Variants in ARHGAP18 observed in about 807,000 individuals in gnomAD.
ARHGAP18 encodes Rho GTPase activating protein 18.
Under a neutral mutation model 86.2 loss-of-function variants are expected in ARHGAP18, and 67 were observed. The ratio of observed to expected loss-of-function variants is 0.78; its 90% CI spans 0.64 to 0.95. ARHGAP18 has a LOEUF of 0.95. Among genes scored for constraint, ARHGAP18 ranks in the 40% least tolerant of loss-of-function variants. The pLI, the probability that ARHGAP18 is intolerant of heterozygous loss-of-function variation, is 0.00. For synonymous variants in ARHGAP18, 283 were observed against 280.4 expected, an observed-to-expected ratio of 1.01 and a Z score of -0.09; for missense variants, 691 against 780.4, an observed-to-expected ratio of 0.89 and a Z score of 1.37.
intron 10 of ARHGAP18, among the ~76,000 whole-genome samples, chr6:129,604,204 C>T (rs1019088766): frequency 1.9e-5 from 1 of 52,156 alleles, no homozygotes; most frequent in African/African-American, 9.7e-5. Context: ...AATAGTACTC[C>T]CCCCCCCCTT....
chr6:129,597,660 A>T (rs144364299), intron 12 of ARHGAP18, among the ~76,000 whole-genome samples: 1 of 152,186 alleles, frequency 6.6e-6, no homozygotes, highest in African/African-American at 2.4e-5. Flanking sequence ...CACCTAACAT[A>T]AAGTGGGGGC....
At chr6:129,593,541 T>A (rs1035892004) in intron 12 of ARHGAP18, among the ~76,000 whole-genome samples, 1 of 152,136 alleles carries the variant, frequency 6.6e-6, no homozygotes, top group African/African-American at 2.4e-5. Flanking sequence ...ATTAACCTGA[T>A]CCTACCCTAT....
At chr6:129,641,715 G>T in intron 2 of ARHGAP18, 101 bp downstream of exon 2, 2 of 1,089,680 alleles carry the variant, frequency 1.8e-6, no homozygotes, top group Non-Finnish European at 2.6e-6. Flanking sequence ...TTTTTTTGGT[G>T]GTCCTAGCTT....
intron 1 of ARHGAP18, among the ~76,000 whole-genome samples, chr6:129,680,005 C>A (rs1584109915): frequency 6.6e-6 from 1 of 152,314 alleles, no homozygotes; most frequent in Non-Finnish European, 1.5e-5. Context: ...TCCATCTTTA[C>A]ATGCTTCTCC....
chr6:129,609,070 GGA>G (rs533944597), intron 8 of ARHGAP18, among the ~76,000 whole-genome samples: 2 of 145,726 alleles, frequency 1.4e-5, no homozygotes, highest in Admixed American at 6.9e-5. Context: ...GGAAGGAAGA[GGA>G]GAGAGAGGGG....
Position 129,692,164 on chromosome 6 carries a change from C to A in ARHGAP18, c.113+17860G>T, listed in dbSNP as rs941967371. Among the ~76,000 whole-genome samples, 3 of 152,210 alleles carry A rather than the reference C, an allele frequency of 2.0e-5. No individual in the cohort carries two copies. The East Asian group carries it at 5.8e-4, about 29-fold the overall frequency. On this transcript the variant is annotated intron_variant, in intron 1 of 14. Transcript: ENST00000368149. The stretch of plus-strand genomic sequence containing the variant: ...GAATGACAACCTCTGGGCCTACTGG[C>A]CTAAGTCAAAGGCTGGGCAGCCTGG...
At chr6:129,643,628 T>TTAAAATA (rs1461713265) in intron 1 of ARHGAP18, among the ~76,000 whole-genome samples, 1 of 152,208 alleles carries the variant, frequency 6.6e-6, no homozygotes, top group Non-Finnish European at 1.5e-5. Flanking sequence ...GGACAATAGT[T>TTAAAATA]GAATAACTGT....
In ARHGAP18 at chr6:129,625,341, T is replaced by G. The variant is rs1283904454; in HGVS notation, c.786+4012A>C. On this transcript the variant is annotated intron_variant, in intron 5 of 14. Coordinates refer to ENST00000368149, the MANE Select transcript of ARHGAP18 (RefSeq NM_033515.3). The stretch of plus-strand genomic sequence containing the variant: ...AATATATATGATATATGATATATAT[T>G]TATATGTAATATATATTATGTATAT... 3.8e-5 allele frequency among the ~76,000 whole-genome samples: 3 copies of G among 78,232 alleles called. 1 individual carries two copies. The highest frequency in any genetic ancestry group is 2.4e-4 in the Admixed American group (1 of 4,152). The allele number at this position is 78,232 out of a possible 152,430, so 51.3% of individuals were successfully genotyped here.
intron 12 of ARHGAP18, among the ~76,000 whole-genome samples, chr6:129,591,100 G>A (rs1788503128): frequency 6.6e-6 from 1 of 152,132 alleles, no homozygotes; most frequent in Non-Finnish European, 1.5e-5. Context: ...CATTTAAATG[G>A]TGTATGAAAA....
intron 9 of ARHGAP18, among the ~76,000 whole-genome samples, chr6:129,606,786 T>C (rs564508060): frequency 1.4e-3 from 211 of 152,262 alleles, no homozygotes; most frequent in African/African-American, 4.6e-3. Context: ...AGATGACTCA[T>C]GAAACCATCT....
intron 4 of ARHGAP18, among the ~76,000 whole-genome samples, chr6:129,631,762 T>A (rs200813061): frequency 0.01 from 1,096 of 107,598 alleles, 11 homozygotes; most frequent in African/African-American, 0.025. Context: ...GCTTCTATTT[T>A]AAAAAAAAAA....
chr6:129,616,228 G>T lies in ARHGAP18; in HGVS notation c.1028C>A (p.Pro343His). The T allele has an allele frequency of 6.2e-7, 1 of 1,610,992 alleles. No homozygotes were observed. Among genetic ancestry groups the T allele is most frequent in the Non-Finnish European group, 8.5e-7 (1 of 1,178,328 alleles). ...CCTACCTACTTTTTGAAAGATCAAG[G>T]GTATTCGCATTCCTGGTACTTTCCT... The part of the protein sequence containing the change: ...DQRKVPGMRI[P>H]LIFQKLISRI... The change falls in exon 7 of 15, where the codon CCC (proline) becomes CAC (histidine). Residue 343 changes from proline to histidine, a missense_variant. By Grantham distance (77) the Pro-to-His change is moderately conservative. Coordinates refer to ENST00000368149, the MANE Select transcript of ARHGAP18 (RefSeq NM_033515.3).
intron 11 of ARHGAP18, among the ~76,000 whole-genome samples, chr6:129,599,654 C>A (rs916764150): frequency 3.9e-5 from 6 of 152,084 alleles, no homozygotes; most frequent in Non-Finnish European, 5.9e-5. Flanking sequence ...AGACTGGAGA[C>A]CCCCTGAGGT....
At chr6:129,610,828 T>C (rs1788963623) in intron 8 of ARHGAP18, among the ~76,000 whole-genome samples, 1 of 152,066 alleles carries the variant, frequency 6.6e-6, no homozygotes, top group African/African-American at 2.4e-5. Flanking sequence ...AGTGTTTCAC[T>C]ATTTTGGCCA....
intron 1 of ARHGAP18, among the ~76,000 whole-genome samples, chr6:129,662,460 T>C (rs533584092): frequency 6.6e-5 from 10 of 152,220 alleles, no homozygotes; most frequent in Non-Finnish European, 1.5e-4. Context: ...GGAGAGGTGT[T>C]TTTGTTCTTC....
chr6:129,639,043 T>G (rs557505967), intron 2 of ARHGAP18, among the ~76,000 whole-genome samples: 1 of 152,298 alleles, frequency 6.6e-6, no homozygotes, highest in East Asian at 1.9e-4. Flanking sequence ...CAACACTAAT[T>G]TATGGAAAGC....
Position 129,655,749 on chromosome 6 carries a change from G to A in ARHGAP18, c.114-13731C>T, listed in dbSNP as rs188848694. Among the ~76,000 whole-genome samples, 9 of 152,256 alleles carry A rather than the reference G, an allele frequency of 5.9e-5. No homozygotes were observed. The South Asian group carries it at 6.2e-4, about 11-fold the overall frequency. On this transcript the variant is annotated intron_variant, in intron 1 of 14. Coordinates refer to ENST00000368149, the MANE Select transcript of ARHGAP18 (RefSeq NM_033515.3). ...TTAAACTCTAAACAAACTTTCATAC[G>A]CCAACCAATCTAATAGAGAAATGCT...
At position 129,625,140 on chromosome 6, in the gene ARHGAP18, TA is replaced by T. The variant is rs1562696325; in HGVS notation, c.786+4212del. ...ATAGATATATATTATATATGATATATATTATATATTATATAGATATATATTA... is the reference window on the plus strand; with the variant it reads ...ATAGATATATATTATATATGATATATTTATATATTATATAGATATATATTA... On this transcript the variant is annotated intron_variant, in intron 5 of 14. Coordinates refer to ENST00000368149, the MANE Select transcript of ARHGAP18 (RefSeq NM_033515.3). Among the ~76,000 whole-genome samples, 42 of 16,290 alleles carry T rather than the reference TA, an allele frequency of 2.6e-3. 1 individual carries two copies. Among genetic ancestry groups the T allele is most frequent in the East Asian group, 0.023 (7 of 300 alleles). The allele number at this position is 16,290 out of a possible 152,430, so 10.7% of individuals were successfully genotyped here. A position where few individuals can be genotyped will look rare whatever the true frequency, so the allele number is the denominator to read the frequency against.
chr6:129,654,931 T>C (rs761029699), intron 1 of ARHGAP18, among the ~76,000 whole-genome samples: 6 of 152,180 alleles, frequency 3.9e-5, no homozygotes, highest in South Asian at 2.1e-4. Flanking sequence ...GAGCTACCCA[T>C]GCCCCTGCTT....
Sources: allele counts gnomAD v4.1 joint callset (sites outside exome capture counted in the v4.1 genomes callset), GRCh38; gene constraint gnomAD v4.1.1; transcripts MANE v1.5; gene names NCBI Gene and HGNC (gene_info 2026-07-23, HGNC 2026-07-21).